ZNF804A: variants seen among roughly 807,000 people sequenced by gnomAD.
ZNF804A encodes zinc finger protein 804A.
Under a neutral mutation model 16.5 loss-of-function variants are expected in ZNF804A, and 2 were observed. That is an observed-to-expected ratio of 0.12 (90% CI 0.05 to 0.38). The LOEUF (loss-of-function observed/expected upper bound fraction) is 0.38, where lower values mean the gene tolerates loss of function less well. Ranked by LOEUF, ZNF804A falls within the 10% of genes least tolerant of loss-of-function variation. The probability of loss-of-function intolerance (pLI) is 0.99; values close to 1 mark genes in which losing one functional copy is unlikely to be tolerated. For synonymous variants in ZNF804A, 534 were observed against 489.6 expected, an observed-to-expected ratio of 1.09 and a Z score of -1.20; for missense variants, 1,473 against 1,390.7, an observed-to-expected ratio of 1.06 and a Z score of -0.94.
chr2:184,825,467 A>G (rs1695148746), intron 1 of ZNF804A, among the ~76,000 whole-genome samples: 1 of 152,122 alleles, frequency 6.6e-6, no homozygotes, highest in Admixed American at 6.6e-5. Flanking sequence ...AGACAGATAT[A>G]ACTCAAATAT....
At chr2:184,636,715 C>G (rs1691706219) in intron 1 of ZNF804A, among the ~76,000 whole-genome samples, 1 of 151,852 alleles carries the variant, frequency 6.6e-6, no homozygotes, top group South Asian at 2.1e-4. Flanking sequence ...TTTAATGCTT[C>G]TAATTATGAA....
At chr2:184,850,733 A>G (rs1160385965) in intron 1 of ZNF804A, among the ~76,000 whole-genome samples, 2 of 151,842 alleles carry the variant, frequency 1.3e-5, no homozygotes, top group Non-Finnish European at 2.9e-5. Context: ...GATTTTCCAA[A>G]GCATTTTAAA....
At chr2:184,656,313 C>T (rs940288493) in intron 1 of ZNF804A, among the ~76,000 whole-genome samples, 1 of 152,096 alleles carries the variant, frequency 6.6e-6, no homozygotes, top group African/African-American at 2.4e-5. Context: ...TAAAGTAATA[C>T]TTTCCCTACT....
chr2:184,770,298 T>C (rs1694190599), intron 1 of ZNF804A, among the ~76,000 whole-genome samples: 2 of 152,072 alleles, frequency 1.3e-5, no homozygotes, highest in Non-Finnish European at 2.9e-5. Context: ...CTGCCCAGAG[T>C]ACTATAAAAT....
At chr2:184,786,533 T>C (rs922538281) in intron 1 of ZNF804A, among the ~76,000 whole-genome samples, 2 of 152,112 alleles carry the variant, frequency 1.3e-5, no homozygotes, top group African/African-American at 4.8e-5. Context: ...AAAATCTGTT[T>C]AATTTAGTTC....
chr2:184,925,024 A>G (rs1161367454), intron 2 of ZNF804A, among the ~76,000 whole-genome samples: 1 of 151,992 alleles, frequency 6.6e-6, no homozygotes, highest in Non-Finnish European at 1.5e-5. Context: ...TAGCTGTTGG[A>G]TGAAATGTGT....
intron 1 of ZNF804A, among the ~76,000 whole-genome samples, chr2:184,737,044 CT>C (rs1237950860): frequency 1.3e-5 from 2 of 149,712 alleles, no homozygotes; most frequent in African/African-American, 2.5e-5. Context: ...CCCTTTACTA[CT>C]TTTTTTTGTT....
intron 1 of ZNF804A, among the ~76,000 whole-genome samples, chr2:184,652,133 G>A (rs1691994249): frequency 6.6e-6 from 1 of 152,028 alleles, no homozygotes; most frequent in Admixed American, 6.6e-5. Flanking sequence ...AAGTTTTTTT[G>A]CAGCAACATG....
rs143351252 is a variant in ZNF804A, at chr2:184,791,261, C to T, written c.112-75108C>T. Among the ~76,000 whole-genome samples the T allele has an allele frequency of 2.1e-3, 325 of 152,172 alleles. 1 individual carries two copies. The highest frequency in any genetic ancestry group is 6.8e-3 in the Middle Eastern group (2 of 294). On this transcript the variant is annotated intron_variant, in intron 1 of 3. Transcript: ENST00000302277. ...AAGTTTTGATTGTTGCTTTATAGGA[C>T]CTGTGAGCTTTGTATTTCTATTTCC...
rs544690994 is a variant in ZNF804A at position 184,887,234 on chromosome 2, C to G, written c.255+20722C>G. ...TTTGCTAAAACATAACAAGAGTCAC[C>G]TTTGCTCCAGTTCACAATGGGTTCC... On this transcript the variant is annotated intron_variant, in intron 2 of 3. Coordinates refer to ENST00000302277, the MANE Select transcript of ZNF804A (RefSeq NM_194250.2). Among the ~76,000 whole-genome samples, 18 of 152,298 alleles carry G rather than the reference C, an allele frequency of 1.2e-4. 2 individuals carry two copies. The South Asian group carries it at 3.7e-3, about 32-fold the overall frequency.
intron 1 of ZNF804A, among the ~76,000 whole-genome samples, chr2:184,695,417 C>T (rs943049394): frequency 5.6e-5 from 8 of 141,604 alleles, no homozygotes; most frequent in African/African-American, 1.9e-4. Flanking sequence ...GCCGAGATTG[C>T]GCCACTGCAC....
chr2:184,691,579 A>G (rs1379031569), intron 1 of ZNF804A, among the ~76,000 whole-genome samples: 2 of 151,786 alleles, frequency 1.3e-5, no homozygotes, highest in East Asian at 3.8e-4. Context: ...TGATATTTCT[A>G]TCTACAATAT....
chr2:184,637,381 T>C (rs1691718269), intron 1 of ZNF804A, among the ~76,000 whole-genome samples: 3 of 152,170 alleles, frequency 2.0e-5, no homozygotes. Flanking sequence ...TCTGGAGAAA[T>C]AGACTTAGGA....
chr2:184,900,083 A>G (rs956799373), intron 2 of ZNF804A, among the ~76,000 whole-genome samples: 1 of 152,120 alleles, frequency 6.6e-6, no homozygotes, highest in Non-Finnish European at 1.5e-5. Flanking sequence ...AAATTTTTAC[A>G]TGAGAGAAAA....
chr2:184,700,260 A>G (rs1205164381), intron 1 of ZNF804A, among the ~76,000 whole-genome samples: 2 of 152,260 alleles, frequency 1.3e-5, no homozygotes, highest in East Asian at 3.9e-4. Flanking sequence ...TGGTGAATTC[A>G]TGAATGACTG....
chr2:184,692,302 G>A (rs34801742), intron 1 of ZNF804A, among the ~76,000 whole-genome samples: 13 of 152,140 alleles, frequency 8.5e-5, no homozygotes, highest in African/African-American at 1.2e-4. Context: ...GTGTGAATGT[G>A]TCTGGCCCTA....
intron 1 of ZNF804A, among the ~76,000 whole-genome samples, chr2:184,670,047 T>C (rs1692318865): frequency 6.6e-6 from 1 of 152,160 alleles, no homozygotes. Flanking sequence ...TTAGCAGTGT[T>C]AAAATTCTAG....
At chr2:184,605,741 A>G (rs528602229) in intron 1 of ZNF804A, among the ~76,000 whole-genome samples, 3 of 152,234 alleles carry the variant, frequency 2.0e-5, no homozygotes, top group East Asian at 3.9e-4. Context: ...GTAGATTTTG[A>G]TATATATCCT....
intron 1 of ZNF804A, among the ~76,000 whole-genome samples, chr2:184,696,040 A>C (rs1364350807): frequency 6.6e-6 from 1 of 152,162 alleles, no homozygotes; most frequent in Non-Finnish European, 1.5e-5. Flanking sequence ...GCGTTGTTAT[A>C]TTATTGCTGA....
Sources: allele counts gnomAD v4.1 joint callset (sites outside exome capture counted in the v4.1 genomes callset), GRCh38; gene constraint gnomAD v4.1.1; transcripts MANE v1.5; gene names NCBI Gene and HGNC (gene_info 2026-07-23, HGNC 2026-07-21).